The following PRKD2 variants were observed in gnomAD, a reference collection of about 807,000 sequenced individuals.
PRKD2 encodes the protein serine/threonine-protein kinase D2.
In PRKD2, 22 loss-of-function variants were observed where a neutral mutation model predicts 86.0. That is an observed-to-expected ratio of 0.26 (90% CI 0.18 to 0.37). The LOEUF is 0.37. PRKD2 is among the 10% of genes least tolerant of loss of function. The probability of loss-of-function intolerance (pLI) is 1.00; values close to 1 mark genes in which losing one functional copy is unlikely to be tolerated. For missense variants in PRKD2, 818 were observed against 1,199.2 expected, an observed-to-expected ratio of 0.68 and a Z score of 4.70; for synonymous variants, 509 against 510.9, an observed-to-expected ratio of 1.00 and a Z score of 0.05.
chr19:46,697,376 C>G (rs900480863), intron 8 of PRKD2, 142 bp from the exon 9 acceptor site: 9 of 631,766 alleles, frequency 1.4e-5, no homozygotes, highest in Non-Finnish European at 2.5e-5. Context: ...CGTAACCCCA[C>G]CCCACCACAC....
At chr19:46,705,427 C>G (rs943992472) in intron 3 of PRKD2, among the ~76,000 whole-genome samples, 3 of 152,138 alleles carry the variant, frequency 2.0e-5, no homozygotes, top group Non-Finnish European at 2.9e-5. Context: ...TGCTCACCCC[C>G]TGTACCCCAC....
At position 46,704,202 on chromosome 19, in the gene PRKD2, T is replaced by C; in HGVS notation, c.856A>G (p.Lys286Glu). Reference protein sequence around the residue: ...TVCQACKKLLKGLFRQGLQCK... With the variant: ...TVCQACKKLLEGLFRQGLQCK... ...TGCAGGCCCTGCCGGAAGAGGCCCT[T>C]GAGGAGTTTCTTGCAAGCCTGGCAA... Residue 286 changes from lysine (K) to glutamate (E), a missense_variant, in exon 5 of 18, where the codon AAG becomes GAG. Physicochemically the swap from Lys to Glu is moderately conservative, Grantham distance 56. This residue lies in a region of PRKD2 where 403 missense variants were observed against 518.6 expected (regional missense o/e 0.78). Coordinates refer to ENST00000291281, the MANE Select transcript of PRKD2 (RefSeq NM_016457.5). 6.2e-7 allele frequency: 1 copy of C among 1,613,988 alleles called. No individual in the cohort carries two copies.
At position 46,704,517 on chromosome 19, in the gene PRKD2, A is replaced by C; in HGVS notation, c.644T>G (p.Leu215Arg). The change falls in exon 4 of 18, where the codon CTG becomes CGG. Residue 215 changes from leucine to arginine, a missense_variant. Physicochemically the swap from Leu to Arg is moderately radical, Grantham distance 102. Transcript: ENST00000291281. Reference protein sequence around the residue: ...HSVRLGTSESLPCTAEELSRS... With the variant: ...HSVRLGTSESRPCTAEELSRS... The stretch of plus-strand genomic sequence containing the variant: ...CACCAGCTCTTCAGCCGTGCAGGGC[A>C]GGGACTCGGAGGTGCCGAGGCGCAC... The C allele has an allele frequency of 4.3e-6, 7 of 1,614,114 alleles. No homozygotes were observed. Among genetic ancestry groups the C allele is most frequent in the Non-Finnish European group, 5.9e-6 (7 of 1,180,026 alleles).
At chr19:46,689,480 T>A in intron 14 of PRKD2, 57 bp downstream of exon 14, 3 of 1,541,316 alleles carry the variant, frequency 1.9e-6, no homozygotes, top group Non-Finnish European at 2.6e-6. Flanking sequence ...ATACAGGGCC[T>A]CTCCAAGCTG....
chr19:46,697,894 G>A, intron 7 of PRKD2, 44 bp from the exon 8 acceptor site: 1 of 1,477,032 alleles, frequency 6.8e-7, no homozygotes, highest in Non-Finnish European at 9.5e-7. Flanking sequence ...TGCAGAAAGT[G>A]ACCATGCTGC....
Position 46,700,915 on chromosome 19 carries a change from A to T in PRKD2, c.1005T>A (p.Ala335=). ...ACTCATCCATGAGGGCGCTCTTGTC[A>T]GCCTCGCTGAAATCGGTGGCCTCCT... The part of the protein sequence containing the change: ...PMEEATDFSE[A]DKSALMDESE... Residue 335 remains alanine, a synonymous_variant, in exon 7 of 18, where the codon GCT becomes GCA. Transcript: ENST00000291281. 6.2e-7 allele frequency: 1 copy of T among 1,614,232 alleles called. No individual in the cohort carries two copies.
At position 46,675,736 on chromosome 19, in the gene PRKD2, C is replaced by T. The variant is rs532378318; in HGVS notation, c.2339-618G>A. Among the ~76,000 whole-genome samples the T allele has an allele frequency of 1.3e-3, 192 of 152,144 alleles. 1 individual carries two copies. Among genetic ancestry groups the T allele is most frequent in the Non-Finnish European group, 2.4e-3 (166 of 68,018 alleles). On this transcript the variant is annotated intron_variant, in intron 16 of 17. Coordinates refer to ENST00000291281, the MANE Select transcript of PRKD2 (RefSeq NM_016457.5). Reference sequence around the variant, plus strand: ...TTGGGATTACAGGCATGAGCCACTGCGCCCGGCCTAAATGGATTTTCAACC... The same window carrying T: ...TTGGGATTACAGGCATGAGCCACTGTGCCCGGCCTAAATGGATTTTCAACC...
intron 7 of PRKD2, among the ~76,000 whole-genome samples, chr19:46,699,692 C>A (rs985135330): frequency 6.6e-6 from 1 of 152,156 alleles, no homozygotes; most frequent in Admixed American, 6.5e-5. Context: ...CCAGTCCTGT[C>A]CTAGGCACCT....
chr19:46,686,880 G>C (rs1228106986), intron 14 of PRKD2, among the ~76,000 whole-genome samples: 2 of 151,930 alleles, frequency 1.3e-5, no homozygotes, highest in Non-Finnish European at 2.9e-5. Context: ...GAACCTGGGA[G>C]GCGGAGCTTG....
chr19:46,692,094 T>C lies in PRKD2; in HGVS notation c.1577-109A>G. On this transcript the variant is annotated intron_variant, in intron 10 of 17. Coordinates refer to ENST00000291281, the MANE Select transcript of PRKD2 (RefSeq NM_016457.5). ...TCAGGCCACCCAGATTTGAATCCAA[T>C]GTTCGATACAATGTGCAACTTCAGG... The C allele has an allele frequency of 3.7e-6, 4 of 1,076,154 alleles. No homozygotes were observed. The Admixed American group carries it at 7.4e-5, about 20-fold the overall frequency. The allele number at this position is 1,076,154 out of a possible 1,614,324, so 66.7% of individuals were successfully genotyped here.
intron 3 of PRKD2, among the ~76,000 whole-genome samples, chr19:46,706,247 AATACATCTC>A (rs1426724094): frequency 6.6e-6 from 1 of 152,164 alleles, no homozygotes. Flanking sequence ...TGTGTGCTCT[AATACATCTC>A]CAGTGATTCC....
At chr19:46,712,355 A>G (rs536272721) in intron 2 of PRKD2, among the ~76,000 whole-genome samples, 1 of 152,170 alleles carries the variant, frequency 6.6e-6, no homozygotes, top group East Asian at 1.9e-4. Context: ...AGCCTGGCCA[A>G]CAAGGTGAAA....
At chr19:46,691,259 C>A (rs1005352853) in intron 12 of PRKD2, among the ~76,000 whole-genome samples, 2 of 151,770 alleles carry the variant, frequency 1.3e-5, no homozygotes, top group Non-Finnish European at 2.9e-5. Flanking sequence ...AGGATCTAGA[C>A]CTGTGGCCAA....
chr19:46,710,806 C>T, intron 3 of PRKD2, 101 bp downstream of exon 3: 1 of 1,291,584 alleles, frequency 7.7e-7, no homozygotes, highest in Non-Finnish European at 1.0e-6. Context: ...GCTCTGAGAC[C>T]CGCTCCTCCT....
At chr19:46,688,865 T>C (rs1568720727) in intron 14 of PRKD2, 1 of 152,068 alleles carries the variant, frequency 6.6e-6, no homozygotes, top group Non-Finnish European at 1.5e-5. Context: ...ATCCCACTAC[T>C]GATCAGTAAG....
Position 46,693,870 on chromosome 19 carries a change from C to T in PRKD2, c.1576+5G>A, listed in dbSNP as rs772213993. The T allele has an allele frequency of 6.3e-7, 1 of 1,589,796 alleles. No homozygotes were observed. Among genetic ancestry groups the T allele is most frequent in the South Asian group, 1.1e-5 (1 of 89,780 alleles). ...CTCTCAAGGACCCGAGGTGGGAGGA[C>T]TTACTGTGGGGCGCGTGGCCTGGGG... is the stretch of plus-strand genomic sequence containing the variant. On this transcript the variant is annotated splice_donor_5th_base_variant and intron_variant, in intron 10 of 17. Coordinates refer to ENST00000291281, the MANE Select transcript of PRKD2 (RefSeq NM_016457.5). The surrounding 1 kb of genome is among the most constrained non-coding windows in gnomAD (Gnocchi z 4.5).
At chr19:46,713,828 G>A in intron 2 of PRKD2, 35 bp downstream of exon 2, 3 of 393,608 alleles carry the variant, frequency 7.6e-6, no homozygotes, top group Non-Finnish European at 1.0e-5. Context: ...GCCCCCACCC[G>A]AGGCCCCGCC....
intron 1 of PRKD2, chr19:46,714,234 G>C: frequency 7.7e-7 from 1 of 1,298,360 alleles, no homozygotes; most frequent in South Asian, 2.0e-5. Context: ...CTGGAAGGGG[G>C]AGCTGGGGTG....
chr19:46,688,458 C>T lies in PRKD2; in HGVS notation c.1971+1079G>A, dbSNP rs192816945. On this transcript the variant is annotated intron_variant, in intron 14 of 17. Coordinates refer to ENST00000291281, the MANE Select transcript of PRKD2 (RefSeq NM_016457.5). ...ATTATTATTATTTTTTTTTTTGAGACGAAGTTTCACTCTTGTCCCCCAGGC... is the reference window on the plus strand; with the variant it reads ...ATTATTATTATTTTTTTTTTTGAGATGAAGTTTCACTCTTGTCCCCCAGGC... Among the ~76,000 whole-genome samples the T allele has an allele frequency of 2.6e-3, 364 of 140,056 alleles. 8 individuals carry two copies. Among genetic ancestry groups the T allele is most frequent in the East Asian group, 3.7e-3 (18 of 4,876 alleles). 91.9% of individuals were successfully genotyped at this position (140,056 alleles called of 152,430 possible).
Sources: gnomAD v4.1 joint callset for allele counts (sites outside exome capture counted in the v4.1 genomes callset) on GRCh38, gnomAD v4.1.1 for gene constraint, gnomAD v4.1.1 regional missense constraint, Gnocchi (gnomAD v3.1) non-coding constraint, MANE v1.5 for transcripts, NCBI Gene and HGNC (gene_info 2026-07-23, HGNC 2026-07-21) for gene names.